CHD6: variants seen among roughly 807,000 people sequenced by gnomAD.
The protein encoded by CHD6 is ATP-dependent chromatin remodeler CHD6.
In CHD6, 50 loss-of-function variants were observed where a neutral mutation model predicts 276.9. The observed-to-expected ratio is 0.18, with a 90% CI of 0.14 to 0.23. CHD6 has a LOEUF of 0.23. CHD6 is among the 10% of genes least tolerant of loss of function. The pLI is 1.00. For synonymous variants in CHD6, 1,173 were observed against 1,229.3 expected (o/e 0.95, Z 0.96); for missense variants, 2,564 against 3,365.8 (o/e 0.76, Z 5.89).
intron 1 of CHD6, among the ~76,000 whole-genome samples, chr20:41,612,886 C>T: frequency 1.3e-5 from 2 of 152,132 alleles, no homozygotes; most frequent in Middle Eastern, 6.8e-3. Context: ...GATTTTTCTT[C>T]TATTCAACTT....
At chr20:41,426,798 T>C (rs933265247) in intron 27 of CHD6, among the ~76,000 whole-genome samples, 3 of 152,184 alleles carry the variant, frequency 2.0e-5, no homozygotes, top group African/African-American at 4.8e-5. Context: ...CCTTCGCAAA[T>C]CCTTCTTGGT....
rs1167430016 is a variant in CHD6, at chr20:41,404,649, G to A, written c.8092C>T (p.His2698Tyr). ...PSAPLPAERE[H>Y]GAQAGEGALK... Reference sequence around the variant, plus strand: ...GCCCCCTCCCCAGCCTGTGCCCCATGTTCTCTCTCTGCGGGCAAAGGGGCA... The same window carrying A: ...GCCCCCTCCCCAGCCTGTGCCCCATATTCTCTCTCTGCGGGCAAAGGGGCA... Residue 2698 changes from histidine to tyrosine, a missense_variant, in exon 37 of 37, where the codon CAT becomes TAT. This residue lies in a region of CHD6 where 238 missense variants were observed against 266.0 expected (regional missense o/e 0.89). Transcript: ENST00000373233. 3.3e-6 allele frequency: 5 copies of A among 1,526,046 alleles called. No homozygotes were observed. In the Admixed American group the frequency reaches 1.1e-4, roughly 33 times the overall value. 94.5% of individuals were successfully genotyped at this position (1,526,046 alleles called of 1,614,324 possible).
chr20:41,491,569 G>T, intron 11 of CHD6, 129 bp downstream of exon 11: 1 of 980,976 alleles, frequency 1.0e-6, no homozygotes, highest in African/African-American at 1.6e-5. Context: ...AATGTGCAAA[G>T]ACTACCACCC....
At chr20:41,586,242 T>C (rs6072436) in intron 1 of CHD6, among the ~76,000 whole-genome samples, 60,014 of 152,018 alleles carry the variant, frequency 0.39, 15,092 homozygotes, top group African/African-American at 0.7. Flanking sequence ...TTTCGCTCCC[T>C]GTCAACTACT....
chr20:41,517,492 T>C (rs972824215), intron 3 of CHD6, among the ~76,000 whole-genome samples: 4 of 152,182 alleles, frequency 2.6e-5, no homozygotes, highest in African/African-American at 9.7e-5. Flanking sequence ...CTAGGGGTCA[T>C]GCCATTTTTG....
At chr20:41,437,629 G>A (rs2047755470) in intron 26 of CHD6, among the ~76,000 whole-genome samples, 2 of 152,134 alleles carry the variant, frequency 1.3e-5, no homozygotes, top group African/African-American at 4.8e-5. Flanking sequence ...GAAATTTCAG[G>A]TATCCTCCAT....
Position 41,455,988 on chromosome 20 carries a change from G to A in CHD6, c.2830-9C>T. Reference sequence around the variant, plus strand: ...TTTGAGAGCTGCTGTACCTGGACAGGTCACCAAAGGCTACTCACAAAGTGG... The same window carrying A: ...TTTGAGAGCTGCTGTACCTGGACAGATCACCAAAGGCTACTCACAAAGTGG... On this transcript the variant is annotated splice_polypyrimidine_tract_variant and intron_variant, in intron 18 of 36. Transcript: ENST00000373233. The A allele has an allele frequency of 6.6e-7, 1 of 1,511,284 alleles. No homozygotes were observed. The highest frequency in any genetic ancestry group is 1.4e-5 in the South Asian group (1 of 73,826). The allele number at this position is 1,511,284 out of a possible 1,614,324, so 93.6% of individuals were successfully genotyped here.
chr20:41,558,158 C>T (rs1273972705), intron 1 of CHD6, among the ~76,000 whole-genome samples: 1 of 152,208 alleles, frequency 6.6e-6, no homozygotes, highest in Non-Finnish European at 1.5e-5. Flanking sequence ...CCCCACCTTA[C>T]TACCCTCCAC....
chr20:41,518,457 G>T (rs2044304868), intron 3 of CHD6, among the ~76,000 whole-genome samples: 1 of 150,484 alleles, frequency 6.6e-6, no homozygotes, highest in Admixed American at 6.6e-5. Context: ...ATGTTGAAAG[G>T]AGGGGGGAAT....
At chr20:41,457,134 A>T in intron 18 of CHD6, 130 bp downstream of exon 18, 1 of 1,043,418 alleles carries the variant, frequency 9.6e-7, no homozygotes, top group Non-Finnish European at 1.4e-6. Flanking sequence ...GTAGGGAATT[A>T]CCCAATAATG....
rs760715935 is a variant in CHD6, at chr20:41,551,375, TA to T, written c.-23-16del. On this transcript the variant is annotated splice_polypyrimidine_tract_variant and intron_variant, in intron 1 of 36. Coordinates refer to ENST00000373233, the MANE Select transcript of CHD6 (RefSeq NM_032221.5). ...GATATTTATTTCTGTAAAACATTTT[TA>T]AAAAGGCAAAGATTATGACAAAACC... 18 of 1,194,058 alleles carry T rather than the reference TA, an allele frequency of 1.5e-5. No homozygotes were observed. The South Asian group carries it at 2.0e-4, about 13-fold the overall frequency. The allele number at this position is 1,194,058 out of a possible 1,614,324, so 74.0% of individuals were successfully genotyped here.
At chr20:41,606,687 A>C (rs180921004) in intron 1 of CHD6, among the ~76,000 whole-genome samples, 4 of 151,942 alleles carry the variant, frequency 2.6e-5, no homozygotes, top group Non-Finnish European at 4.4e-5. Flanking sequence ...AAAAAAAAAA[A>C]AACTTATCTC....
At chr20:41,498,809 GTA>G (rs142381789) in intron 6 of CHD6, among the ~76,000 whole-genome samples, 10,417 of 57,992 alleles carry the variant, frequency 0.18, 327 homozygotes, top group Admixed American at 0.26. Context: ...ATGTATGTAT[GTA>G]TGTGTGTGTG....
intron 27 of CHD6, 93 bp downstream of exon 27, chr20:41,437,181 G>A (rs772014188): frequency 3.3e-6 from 3 of 909,502 alleles, no homozygotes; most frequent in Admixed American, 3.9e-5. Context: ...CTGTAGTAAT[G>A]CAATCAAGTT....
At chr20:41,470,642 C>T (rs1433998091) in intron 17 of CHD6, among the ~76,000 whole-genome samples, 1 of 152,238 alleles carries the variant, frequency 6.6e-6, no homozygotes, top group Non-Finnish European at 1.5e-5. Flanking sequence ...AGAACAGCTA[C>T]TCCAAAGCTT....
intron 30 of CHD6, among the ~76,000 whole-genome samples, chr20:41,423,132 C>A (rs1175808121): frequency 1.3e-5 from 2 of 152,128 alleles, no homozygotes; most frequent in Non-Finnish European, 2.9e-5. Flanking sequence ...GTTATTAAGA[C>A]TTAATCTAAG....
At chr20:41,483,252 T>A in intron 16 of CHD6, 57 bp downstream of exon 16, 1 of 1,439,564 alleles carries the variant, frequency 6.9e-7, no homozygotes, top group Non-Finnish European at 9.3e-7. Flanking sequence ...ATCAAAAAAA[T>A]ATCAAAGGAA....
chr20:41,504,069 C>A, intron 5 of CHD6, among the ~76,000 whole-genome samples: 1 of 76,458 alleles, frequency 1.3e-5, no homozygotes, highest in African/African-American at 8.3e-5. Flanking sequence ...TAGAGTGAGA[C>A]TCTGTCTCAA....
chr20:41,532,289 A>T (rs185359855), intron 3 of CHD6, among the ~76,000 whole-genome samples: 149 of 152,320 alleles, frequency 9.8e-4, no homozygotes, highest in Non-Finnish European at 1.7e-3. Flanking sequence ...ACTGTGCTAG[A>T]CAATGAACTA....
Sources: gnomAD v4.1 joint callset for allele counts (sites outside exome capture counted in the v4.1 genomes callset) on GRCh38, gnomAD v4.1.1 for gene constraint, gnomAD v4.1.1 regional missense constraint, MANE v1.5 for transcripts, NCBI Gene and HGNC (gene_info 2026-07-23, HGNC 2026-07-21) for gene names.